XRCC5: variants seen among roughly 807,000 people sequenced by gnomAD.
XRCC5 encodes the protein DNA repair protein Ku80.
In XRCC5, 12 loss-of-function variants were observed where a neutral mutation model predicts 95.7. That is an observed-to-expected ratio of 0.13 (90% CI 0.08 to 0.20). The LOEUF is 0.20. Ranked by LOEUF, XRCC5 falls within the 10% of genes least tolerant of loss-of-function variation. The pLI is 1.00. For missense variants in XRCC5, 595 were observed against 873.9 expected (o/e 0.68, Z 4.02); for synonymous variants, 281 against 290.3 (o/e 0.97, Z 0.33).
intron 10 of XRCC5, among the ~76,000 whole-genome samples, chr2:216,136,808 T>A (rs1697088958): frequency 6.6e-6 from 1 of 152,168 alleles, no homozygotes; most frequent in Non-Finnish European, 1.5e-5. Flanking sequence ...ACAAAAGATT[T>A]GTTTAGGAGG....
intron 15 of XRCC5, among the ~76,000 whole-genome samples, chr2:216,160,964 G>A (rs894011389): frequency 1.3e-5 from 2 of 152,110 alleles, no homozygotes; most frequent in African/African-American, 4.8e-5. Context: ...GAAGCACTGG[G>A]ATTATAGTCA....
At chr2:216,139,328 G>A (rs1697137982) in intron 12 of XRCC5, among the ~76,000 whole-genome samples, 1 of 151,878 alleles carries the variant, frequency 6.6e-6, no homozygotes, top group African/African-American at 2.4e-5. Context: ...AGTTCCACAT[G>A]GCTGGGGAAG....
chr2:216,199,119 TA>T (rs1689787856), intron 19 of XRCC5, among the ~76,000 whole-genome samples: 1 of 152,262 alleles, frequency 6.6e-6, no homozygotes, highest in Admixed American at 6.5e-5. Flanking sequence ...AATAATCATT[TA>T]AGGAAACTTG....
intron 16 of XRCC5, among the ~76,000 whole-genome samples, chr2:216,177,243 TC>T (rs1366168200): frequency 2.6e-5 from 4 of 152,228 alleles, no homozygotes; most frequent in African/African-American, 9.6e-5. Context: ...CTTTTGACTT[TC>T]TATCTAGTTG....
chr2:216,138,429 T>C (rs2303400), intron 12 of XRCC5, among the ~76,000 whole-genome samples: 58,792 of 152,148 alleles, frequency 0.39, 12,423 homozygotes, highest in East Asian at 0.67. Flanking sequence ...AGGGGAAAGC[T>C]TGATGGTAAT....
At chr2:216,149,472 C>T (rs1358245492) in intron 14 of XRCC5, among the ~76,000 whole-genome samples, 1 of 152,110 alleles carries the variant, frequency 6.6e-6, no homozygotes, top group Admixed American at 6.5e-5. Flanking sequence ...GAAGACTGTC[C>T]CTAAAAATTC....
In XRCC5 at chr2:216,141,300, G is replaced by A. The variant is rs748064313; in HGVS notation, c.1457G>A (p.Arg486Gln). 1 of 1,614,004 alleles carries A rather than the reference G, an allele frequency of 6.2e-7. No individual in the cohort carries two copies. Among genetic ancestry groups the A allele is most frequent in the Non-Finnish European group, 8.5e-7 (1 of 1,179,984 alleles). ...LFPTTKIPNP[R>Q]FQRLFQCLLH... is the part of the protein sequence containing the mutation. ...CCAACCACCAAAATCCCAAATCCTC[G>A]ATTTCAGAGATTATTTCAGGTAAGA... The change falls in exon 13 of 21, where the codon CGA becomes CAA. Residue 486 changes from arginine to glutamine, a missense_variant. Coordinates refer to ENST00000392132, the MANE Select transcript of XRCC5 (RefSeq NM_021141.4).
chr2:216,200,987 C>A (rs1574437964), intron 19 of XRCC5, among the ~76,000 whole-genome samples: 1 of 152,252 alleles, frequency 6.6e-6, no homozygotes, highest in African/African-American at 2.4e-5. Flanking sequence ...ACTTACAATA[C>A]CATAATGAAT....
At chr2:216,160,238 T>C in intron 15 of XRCC5, 77 bp downstream of exon 15, 1 of 968,974 alleles carries the variant, frequency 1.0e-6, no homozygotes, top group Non-Finnish European at 1.6e-6. Flanking sequence ...CAATTTTTGT[T>C]AGTCCGTTCT....
At chr2:216,190,599 C>G (rs1689597817) in intron 17 of XRCC5, among the ~76,000 whole-genome samples, 1 of 152,176 alleles carries the variant, frequency 6.6e-6, no homozygotes, top group Non-Finnish European at 1.5e-5. Context: ...CCTTTGCTTT[C>G]TGTTCCTATT....
intron 10 of XRCC5, among the ~76,000 whole-genome samples, chr2:216,136,702 C>CACT (rs1462631121): frequency 1.3e-5 from 2 of 152,070 alleles, no homozygotes; most frequent in Non-Finnish European, 2.9e-5. Context: ...AATAATAATG[C>CACT]ACTAAGCAGT....
chr2:216,136,663 G>A (rs1478246852), intron 10 of XRCC5, among the ~76,000 whole-genome samples: 1 of 152,178 alleles, frequency 6.6e-6, no homozygotes. Context: ...CATTAAGGAA[G>A]TGGGGGCAGT....
chr2:216,146,302 A>C (rs1688632940), intron 13 of XRCC5, among the ~76,000 whole-genome samples: 2 of 150,838 alleles, frequency 1.3e-5, no homozygotes, highest in East Asian at 3.8e-4. Context: ...CGAAACTTAC[A>C]GGACATTGAC....
intron 11 of XRCC5, 38 bp downstream of exon 11, chr2:216,137,263 G>A: frequency 6.3e-7 from 1 of 1,594,132 alleles, no homozygotes; most frequent in Admixed American, 1.8e-5. Context: ...TTTTTCTTCA[G>A]TTCCTTTATT....
intron 16 of XRCC5, among the ~76,000 whole-genome samples, chr2:216,174,650 C>T (rs538033237): frequency 3.0e-4 from 46 of 152,246 alleles, no homozygotes; most frequent in Admixed American, 2.7e-3. Context: ...TACGTCTAAT[C>T]GACACTATAT....
chr2:216,193,940 AATTG>A (rs1048545520), intron 18 of XRCC5, among the ~76,000 whole-genome samples: 4 of 152,224 alleles, frequency 2.6e-5, no homozygotes, highest in African/African-American at 7.2e-5. Context: ...ACTGAGCTAA[AATTG>A]ATTAACTGTC....
At chr2:216,168,171 T>G (rs954020587) in intron 16 of XRCC5, among the ~76,000 whole-genome samples, 1 of 152,184 alleles carries the variant, frequency 6.6e-6, no homozygotes, top group Non-Finnish European at 1.5e-5. Flanking sequence ...CTTTAAGGTG[T>G]TGTTCATCTT....
intron 14 of XRCC5, among the ~76,000 whole-genome samples, chr2:216,153,059 C>T (rs1688774616): frequency 6.6e-6 from 1 of 152,170 alleles, no homozygotes; most frequent in Non-Finnish European, 1.5e-5. Context: ...TAATTATTAT[C>T]TTTCCTTCCA....
chr2:216,191,887 A>G (rs1274740558), intron 17 of XRCC5, among the ~76,000 whole-genome samples: 1 of 152,250 alleles, frequency 6.6e-6, no homozygotes, highest in African/African-American at 2.4e-5. Context: ...AAGAATATTC[A>G]TAAATGAAAT....
Sources: gnomAD v4.1 joint callset for allele counts (sites outside exome capture counted in the v4.1 genomes callset) on GRCh38, gnomAD v4.1.1 for gene constraint, MANE v1.5 for transcripts, NCBI Gene and HGNC (gene_info 2026-07-23, HGNC 2026-07-21) for gene names.